MPRIP: variants seen among roughly 807,000 people sequenced by gnomAD.
MPRIP encodes myosin phosphatase Rho interacting protein.
A neutral mutation model predicts 234.9 loss-of-function variants in MPRIP; 59 were observed. The observed-to-expected ratio is 0.25, with a 90% CI of 0.20 to 0.31. The LOEUF (loss-of-function observed/expected upper bound fraction) is 0.31. Among genes scored for constraint, MPRIP ranks in the 10% least tolerant of loss-of-function variants. MPRIP has a pLI of 1.00. For missense variants in MPRIP, 2,436 were observed against 3,071.0 expected (o/e 0.79, Z 4.89); for synonymous variants, 1,144 against 1,263.9 (o/e 0.91, Z 2.01).
chr17:17,167,991 T>A lies in MPRIP; in HGVS notation c.6324+76T>A. 8.8e-7 allele frequency: 1 copy of A among 1,141,256 alleles called. No homozygotes were observed. The highest frequency in any genetic ancestry group is 1.1e-6 in the Non-Finnish European group (1 of 870,250). 70.7% of individuals were successfully genotyped at this position (1,141,256 alleles called of 1,614,324 possible). A position where few individuals can be genotyped will look rare whatever the true frequency, so the allele number is the denominator to read the frequency against. On this transcript the variant is annotated intron_variant, in intron 16 of 23. Coordinates refer to ENST00000651222, the MANE Select transcript of MPRIP (RefSeq NM_001364716.4). This position sits in a 1 kb window ranked among gnomAD's most constrained non-coding sequence, Gnocchi z 5.9. The stretch of plus-strand genomic sequence containing the variant: ...TGGGTGTGGGGACGTCTGGCTCAGC[T>A]ACCGTGCAGGCAGAATTGAGGGGAT...
chr17:17,088,238 C>A (rs2089635908), intron 3 of MPRIP, among the ~76,000 whole-genome samples: 1 of 152,222 alleles, frequency 6.6e-6, no homozygotes, highest in Admixed American at 6.5e-5. Context: ...ACTGGGGAGG[C>A]AGCCAGGAAG....
chr17:17,151,004 C>A (rs1335842867), intron 12 of MPRIP, among the ~76,000 whole-genome samples: 1 of 123,514 alleles, frequency 8.1e-6, no homozygotes, highest in East Asian at 2.7e-4. Flanking sequence ...TGCCACCATG[C>A]CCAGCTTATT....
intron 3 of MPRIP, among the ~76,000 whole-genome samples, chr17:17,094,016 A>G (rs1019333475): frequency 6.6e-5 from 10 of 151,924 alleles, no homozygotes; most frequent in African/African-American, 2.4e-4. Flanking sequence ...ATAGCTCTCC[A>G]TCTGGGCTTG....
intron 1 of MPRIP, among the ~76,000 whole-genome samples, chr17:17,056,911 C>G (rs568687667): frequency 1.2e-4 from 19 of 152,324 alleles, no homozygotes; most frequent in African/African-American, 4.1e-4. Flanking sequence ...TTGCACTTGG[C>G]CTAATGCTTT....
At chr17:17,176,591 C>T in intron 21 of MPRIP, 79 bp downstream of exon 21, 3 of 1,121,236 alleles carry the variant, frequency 2.7e-6, no homozygotes, top group East Asian at 2.4e-5. Flanking sequence ...CAGGCTGGTG[C>T]TCAGCGCGGG....
At chr17:17,054,847 C>G (rs560996072) in intron 1 of MPRIP, among the ~76,000 whole-genome samples, 1 of 151,794 alleles carries the variant, frequency 6.6e-6, no homozygotes, top group Non-Finnish European at 1.5e-5. Flanking sequence ...CCCAGGAGTT[C>G]GAGATCAGCC....
rs144018217 is a variant in MPRIP, at chr17:17,142,713, C to G, written c.1337C>G (p.Ser446Cys). ...ACCAATGCAGTGGGGCCCTCACCAT[C>G]CAGCGACACACGCCAGGGCCGCAGC... ...METNAVGPSPSSDTRQGRSEK... is the reference protein window; with the variant it reads ...METNAVGPSPCSDTRQGRSEK... The change falls in exon 8 of 24, where the codon TCC becomes TGC. Residue 446 changes from serine (S) to cysteine (C), a missense_variant. Physicochemically the swap from Ser to Cys is moderately radical, Grantham distance 112 (BLOSUM62 -1). Coordinates refer to ENST00000651222, the MANE Select transcript of MPRIP (RefSeq NM_001364716.4). 1.7e-5 allele frequency: 27 copies of G among 1,612,394 alleles called. No homozygotes were observed. In the African/African-American group the frequency reaches 3.3e-4, roughly 20 times the overall value.
At chr17:17,089,535 A>G (rs181383927) in intron 3 of MPRIP, among the ~76,000 whole-genome samples, 2 of 151,872 alleles carry the variant, frequency 1.3e-5, no homozygotes, top group Non-Finnish European at 2.9e-5. Context: ...TGGCGCAGTC[A>G]TAGCTCACTG....
intron 1 of MPRIP, among the ~76,000 whole-genome samples, chr17:17,052,103 A>G (rs975768166): frequency 6.6e-6 from 1 of 152,206 alleles, no homozygotes; most frequent in African/African-American, 2.4e-5. Context: ...CTGAGTTTTC[A>G]GAGTGGTTGA....
At chr17:17,101,397 C>G (rs1376370128) in intron 3 of MPRIP, among the ~76,000 whole-genome samples, 1 of 152,130 alleles carries the variant, frequency 6.6e-6, no homozygotes, top group African/African-American at 2.4e-5. Context: ...GAAACCCCAT[C>G]TCTACTAAAA....
At position 17,177,386 on chromosome 17, in the gene MPRIP, C is replaced by A; in HGVS notation, c.7094C>A (p.Pro2365His). The change falls in exon 22 of 24, where the codon CCT (proline) becomes CAT (histidine). Residue 2365 changes from proline (P) to histidine (H), a missense_variant. By Grantham distance (77) the Pro-to-His change is moderately conservative (BLOSUM62 -2). This residue lies in a region of MPRIP where 1,998 missense variants were observed against 2,520.3 expected (regional missense o/e 0.79). Coordinates refer to ENST00000651222, the MANE Select transcript of MPRIP (RefSeq NM_001364716.4). ...ACGGAAGCACTGGGGGAGAAGTCCC[C>A]TGACAGTGCCACGGTGTCCGGATAT... ...AATEALGEKS[P>H]DSATVSGYDI... is the part of the protein sequence containing the mutation. The A allele has an allele frequency of 6.2e-7, 1 of 1,613,772 alleles. No homozygotes were observed. Among genetic ancestry groups the A allele is most frequent in the Non-Finnish European group, 8.5e-7 (1 of 1,180,026 alleles).
chr17:17,105,035 T>C (rs1486372552), intron 3 of MPRIP, among the ~76,000 whole-genome samples: 1 of 152,194 alleles, frequency 6.6e-6, no homozygotes, highest in Non-Finnish European at 1.5e-5. Flanking sequence ...GTTTGCTGCT[T>C]TCTCCTGTCT....
chr17:17,169,006 G>A (rs970659863), intron 16 of MPRIP: 3 of 456,806 alleles, frequency 6.6e-6, no homozygotes, highest in Admixed American at 4.7e-5. Flanking sequence ...ACCTCTGTGT[G>A]ACGGACTCGG....
chr17:17,079,320 A>G (rs1363587360), intron 3 of MPRIP, among the ~76,000 whole-genome samples: 1 of 152,152 alleles, frequency 6.6e-6, no homozygotes, highest in Non-Finnish European at 1.5e-5. Context: ...TGATTAGAGC[A>G]TAGGGGGTTT....
chr17:17,117,915 G>T (rs922429811), intron 3 of MPRIP, among the ~76,000 whole-genome samples: 5 of 152,334 alleles, frequency 3.3e-5, no homozygotes, highest in African/African-American at 1.2e-4. Context: ...GCAGAGCTAG[G>T]ACTTGACTCC....
chr17:17,108,549 GATTAC>G (rs1282868702), intron 3 of MPRIP, among the ~76,000 whole-genome samples: 1 of 152,222 alleles, frequency 6.6e-6, no homozygotes, highest in East Asian at 1.9e-4. Flanking sequence ...CTTCCCAGGT[GATTAC>G]ATTATTCAGC....
chr17:17,131,488 C>T, intron 4 of MPRIP, 129 bp from the exon 5 acceptor site: 1 of 720,004 alleles, frequency 1.4e-6, no homozygotes, highest in East Asian at 2.6e-5. Context: ...GCACTTCTGG[C>T]CCCAGCGTAG....
At chr17:17,168,483 G>T (rs1204918643) in intron 16 of MPRIP, 1 of 285,278 alleles carries the variant, frequency 3.5e-6, no homozygotes, top group Admixed American at 5.1e-5. Flanking sequence ...ACGGAGCACA[G>T]CCTCCAGCCA....
chr17:17,085,875 T>C (rs1256267001), intron 3 of MPRIP, among the ~76,000 whole-genome samples: 1 of 152,166 alleles, frequency 6.6e-6, no homozygotes, highest in African/African-American at 2.4e-5. Context: ...ATCACGCCAC[T>C]GCACTCCAGC....
Sources: gnomAD v4.1 joint callset for allele counts (sites outside exome capture counted in the v4.1 genomes callset) on GRCh38, gnomAD v4.1.1 for gene constraint, gnomAD v4.1.1 regional missense constraint, Gnocchi (gnomAD v3.1) non-coding constraint, MANE v1.5 for transcripts, NCBI Gene and HGNC (gene_info 2026-07-23, HGNC 2026-07-21) for gene names.